The following RSU1 variants were observed in gnomAD, a reference collection of about 807,000 sequenced individuals.
RSU1 encodes the protein Ras suppressor protein 1.
In RSU1, 26 loss-of-function variants were observed where a neutral mutation model predicts 31.1. The ratio of observed to expected loss-of-function variants is 0.84; its 90% CI spans 0.61 to 1.16. The LOEUF (loss-of-function observed/expected upper bound fraction) is 1.16. Among genes scored for constraint, RSU1 ranks in the 50% most tolerant of loss-of-function variants. The probability of loss-of-function intolerance (pLI) is 0.00; values close to 1 mark genes in which losing one functional copy is unlikely to be tolerated. For missense variants in RSU1, 320 were observed against 339.1 expected (o/e 0.94, Z 0.44); for synonymous variants, 164 against 136.3 (o/e 1.20, Z -1.41).
chr10:16,729,218 T>G (rs1258593323), intron 7 of RSU1, among the ~76,000 whole-genome samples: 2 of 152,190 alleles, frequency 1.3e-5, no homozygotes, highest in Non-Finnish European at 2.9e-5. Flanking sequence ...CACAGAAAAT[T>G]TGCAATGAAA....
chr10:16,612,752 G>A (rs1173355333), intron 8 of RSU1, among the ~76,000 whole-genome samples: 7 of 152,170 alleles, frequency 4.6e-5, no homozygotes, highest in East Asian at 1.9e-4. Flanking sequence ...AACTATGTTC[G>A]CTAGTCAGCT....
intron 7 of RSU1, among the ~76,000 whole-genome samples, chr10:16,719,264 C>T (rs1024941638): frequency 2.6e-5 from 4 of 151,772 alleles, no homozygotes; most frequent in African/African-American, 9.7e-5. Context: ...GCTAGGACCG[C>T]ACCACTGCAC....
intron 7 of RSU1, among the ~76,000 whole-genome samples, chr10:16,749,199 C>A (rs1057359299): frequency 1.8e-4 from 27 of 152,120 alleles, no homozygotes; most frequent in Non-Finnish European, 1.9e-4. Context: ...ACTTAAGAAC[C>A]AGACATAACA....
chr10:16,642,088 G>A (rs1834452417), intron 8 of RSU1, among the ~76,000 whole-genome samples: 1 of 152,130 alleles, frequency 6.6e-6, no homozygotes, highest in African/African-American at 2.4e-5. Context: ...AAACAGAGAT[G>A]GAATTGATAA....
At chr10:16,792,075 T>C (rs1837929383) in intron 2 of RSU1, among the ~76,000 whole-genome samples, 1 of 152,188 alleles carries the variant, frequency 6.6e-6, no homozygotes, top group African/African-American at 2.4e-5. Flanking sequence ...TGGAAGTTTC[T>C]AAGATCTTCT....
At chr10:16,738,175 G>A (rs375448726) in intron 7 of RSU1, among the ~76,000 whole-genome samples, 11 of 152,268 alleles carry the variant, frequency 7.2e-5, no homozygotes, top group Admixed American at 2.0e-4. Context: ...GGCCGGGCAC[G>A]GTGGCTCACG....
intron 8 of RSU1, among the ~76,000 whole-genome samples, chr10:16,640,084 G>A (rs193295471): frequency 1.3e-3 from 200 of 152,190 alleles, no homozygotes; most frequent in Non-Finnish European, 2.2e-3. Context: ...TTCTGCCTGA[G>A]TTTAAACCAG....
At chr10:16,719,452 C>G (rs561832993) in intron 7 of RSU1, among the ~76,000 whole-genome samples, 1 of 152,292 alleles carries the variant, frequency 6.6e-6, no homozygotes, top group African/African-American at 2.4e-5. Flanking sequence ...CGCTTCTTCA[C>G]CTACCCAATA....
At chr10:16,759,750 C>T (rs901863839) in intron 4 of RSU1, among the ~76,000 whole-genome samples, 3 of 152,076 alleles carry the variant, frequency 2.0e-5, no homozygotes, top group African/African-American at 7.2e-5. Flanking sequence ...TGAAATAAAC[C>T]GCATTTAAGG....
chr10:16,739,258 C>A (rs904254195), intron 7 of RSU1, among the ~76,000 whole-genome samples: 1 of 151,914 alleles, frequency 6.6e-6, no homozygotes, highest in African/African-American at 2.4e-5. Context: ...AATGGTATTT[C>A]TGGTTCTAGA....
At chr10:16,598,229 AG>A (rs1307098940) in intron 8 of RSU1, among the ~76,000 whole-genome samples, 5 of 152,140 alleles carry the variant, frequency 3.3e-5, no homozygotes. Flanking sequence ...TGTCATCAAA[AG>A]GGTCCTTATA....
In RSU1 at chr10:16,802,243, A is replaced by G. The variant is rs142586558; in HGVS notation, c.109+14730T>C. ...TACAAACAGAAATGAAAGAAGGGCCATTACTACTGATTTCATGGATGTTAA... is the reference window on the plus strand; with the variant it reads ...TACAAACAGAAATGAAAGAAGGGCCGTTACTACTGATTTCATGGATGTTAA... On this transcript the variant is annotated intron_variant, in intron 2 of 8. Coordinates refer to ENST00000345264, the MANE Select transcript of RSU1 (RefSeq NM_012425.4). 1.3e-4 allele frequency among the ~76,000 whole-genome samples: 19 copies of G among 151,968 alleles called. No individual in the cohort carries two copies. In the East Asian group the frequency reaches 3.7e-3, roughly 29 times the overall value.
intron 8 of RSU1, among the ~76,000 whole-genome samples, chr10:16,649,333 A>G (rs1181313481): frequency 1.3e-5 from 2 of 152,200 alleles, no homozygotes; most frequent in Non-Finnish European, 2.9e-5. Context: ...CAATTGGAGT[A>G]GCTTATTTAT....
At chr10:16,607,991 C>T (rs897748604) in intron 8 of RSU1, among the ~76,000 whole-genome samples, 7 of 152,148 alleles carry the variant, frequency 4.6e-5, no homozygotes, top group African/African-American at 7.2e-5. Context: ...CCACCACACC[C>T]GGCTCATTTT....
At chr10:16,667,012 C>G (rs1260821903) in intron 8 of RSU1, among the ~76,000 whole-genome samples, 2 of 150,542 alleles carry the variant, frequency 1.3e-5, no homozygotes, top group Non-Finnish European at 3.0e-5. Flanking sequence ...AAAAACCAAA[C>G]CAAAACAAAG....
chr10:16,690,740 G>A (rs1277090489), intron 8 of RSU1, among the ~76,000 whole-genome samples: 1 of 152,142 alleles, frequency 6.6e-6, no homozygotes, highest in Non-Finnish European at 1.5e-5. Flanking sequence ...GCCGATCATA[G>A]ACATGAATGA....
intron 7 of RSU1, chr10:16,721,258 G>A (rs932529217): frequency 1.3e-5 from 2 of 152,234 alleles, no homozygotes; most frequent in African/African-American, 4.8e-5. Flanking sequence ...CCAGATCATA[G>A]TGAATACAGC....
chr10:16,791,302 C>T (rs1027950600), intron 2 of RSU1, among the ~76,000 whole-genome samples: 1 of 152,038 alleles, frequency 6.6e-6, no homozygotes, highest in African/African-American at 2.4e-5. Context: ...GCTGTGATTA[C>T]AGGCGTGAGC....
intron 7 of RSU1, among the ~76,000 whole-genome samples, chr10:16,708,597 T>A (rs1835953216): frequency 6.6e-6 from 1 of 152,186 alleles, no homozygotes; most frequent in Admixed American, 6.5e-5. Flanking sequence ...TTTAGGATTT[T>A]TTTTTCTATC....
Sources: gnomAD v4.1 joint callset for allele counts (sites outside exome capture counted in the v4.1 genomes callset) on GRCh38, gnomAD v4.1.1 for gene constraint, MANE v1.5 for transcripts, NCBI Gene and HGNC (gene_info 2026-07-23, HGNC 2026-07-21) for gene names.